Variants in CCDC144A observed in about 807,000 individuals in gnomAD.
CCDC144A encodes coiled-coil domain-containing protein 144A.
In CCDC144A, 41 loss-of-function variants were observed where a neutral mutation model predicts 143.8. That is an observed-to-expected ratio of 0.29 (90% CI 0.22 to 0.37). The LOEUF is 0.37. CCDC144A is among the 10% of genes least tolerant of loss of function. CCDC144A has a pLI of 1.00. For synonymous variants in CCDC144A, 242 were observed against 517.9 expected (o/e 0.47, Z 7.23); for missense variants, 637 against 1,488.8 (o/e 0.43, Z 9.41).
chr17:16,755,869 T>G (rs1915059690), intron 12 of CCDC144A, among the ~76,000 whole-genome samples: 1 of 152,192 alleles, frequency 6.6e-6, no homozygotes, highest in Non-Finnish European at 1.5e-5. Flanking sequence ...CCCCTCTTTT[T>G]CAGTTTTAAA....
At chr17:16,673,262 G>A in the CCDC144A span, among the ~76,000 whole-genome samples, 2 of 151,756 alleles carry the variant, frequency 1.3e-5, no homozygotes, top group Non-Finnish European at 2.9e-5. Flanking sequence ...AAGCCAGGAT[G>A]AGAATTTTAT....
upstream of CCDC144A, among the ~76,000 whole-genome samples, chr17:16,688,278 G>A (rs1426891432): frequency 1.3e-5 from 2 of 151,638 alleles, no homozygotes; most frequent in East Asian, 1.9e-4. Flanking sequence ...TCCGCTGCCC[G>A]TGTGCAGCTT....
chr17:16,669,831 T>C, the CCDC144A span, among the ~76,000 whole-genome samples: 4 of 152,320 alleles, frequency 2.6e-5, no homozygotes, highest in Admixed American at 6.5e-5. Context: ...CTCTACACTT[T>C]TGAGTTATCA....
intron 16 of CCDC144A, chr17:16,772,792 T>C (rs1443301234): frequency 6.3e-7 from 1 of 1,576,290 alleles, no homozygotes; most frequent in South Asian, 1.2e-5. Context: ...ATTCCAATAG[T>C]GCCCTGTTTT....
At chr17:16,670,419 C>A in the CCDC144A span, among the ~76,000 whole-genome samples, 1 of 150,334 alleles carries the variant, frequency 6.7e-6, no homozygotes. Context: ...TCCTGAGTAG[C>A]CGGGATTACA....
At chr17:16,671,700 C>T in the CCDC144A span, among the ~76,000 whole-genome samples, 3 of 152,006 alleles carry the variant, frequency 2.0e-5, no homozygotes, top group Admixed American at 6.6e-5. Flanking sequence ...GATATATTAT[C>T]TTTTCCTCTG....
intron 9 of CCDC144A, among the ~76,000 whole-genome samples, chr17:16,729,329 C>T (rs1262377022): frequency 1.3e-5 from 2 of 152,094 alleles, no homozygotes; most frequent in Non-Finnish European, 2.9e-5. Flanking sequence ...TTTGTATTTC[C>T]GTGAATGTTA....
the CCDC144A span, among the ~76,000 whole-genome samples, chr17:16,669,757 A>C: frequency 6.6e-6 from 1 of 152,212 alleles, no homozygotes; most frequent in Non-Finnish European, 1.5e-5. Context: ...CAGACAATTC[A>C]CAGAAGCCTC....
chr17:16,698,234 G>A (rs1171525972), intron 2 of CCDC144A, among the ~76,000 whole-genome samples: 2 of 152,192 alleles, frequency 1.3e-5, no homozygotes, highest in Non-Finnish European at 2.9e-5. Context: ...AGCCTGAGCC[G>A]TGGCTAAAGA....
At chr17:16,681,948 G>A in the CCDC144A span, among the ~76,000 whole-genome samples, 4 of 151,730 alleles carry the variant, frequency 2.6e-5, no homozygotes, top group African/African-American at 7.3e-5. Flanking sequence ...ATGAAAAAAA[G>A]GGCAATGATA....
Position 16,734,834 on chromosome 17 carries a change from G to C in CCDC144A, c.2563G>C (p.Ala855Pro), listed in dbSNP as rs946961343. The change falls in exon 12 of 17, where the codon GCT becomes CCT. Residue 855 changes from alanine (A) to proline (P), a missense_variant. Ala to Pro is a conservative substitution (Grantham distance 27, BLOSUM62 -1). Coordinates refer to ENST00000399273, the MANE Select transcript of CCDC144A (RefSeq NM_001382000.1). ...AAAGAAATATTTTGAGGACATTGAG[G>C]CTGTGAAAGAAAAGAATGATAACCT... ...KEKKYFEDIE[A>P]VKEKNDNLQK... The C allele has an allele frequency of 2.6e-6, 4 of 1,563,304 alleles. No individual in the cohort carries two copies. In the African/African-American group the frequency reaches 5.5e-5, roughly 22 times the overall value.
chr17:16,757,543 C>T (rs1386298685), intron 12 of CCDC144A, among the ~76,000 whole-genome samples: 1 of 152,208 alleles, frequency 6.6e-6, no homozygotes, highest in Non-Finnish European at 1.5e-5. Context: ...TATGTGAGCA[C>T]TGATAGCAAC....
upstream of CCDC144A, among the ~76,000 whole-genome samples, chr17:16,688,220 C>T (rs531187727): frequency 1.8e-3 from 280 of 152,022 alleles, no homozygotes; most frequent in Non-Finnish European, 3.0e-3. Context: ...GCTGCTCTTG[C>T]GGGTGGTGCT....
chr17:16,711,805 G>C lies in CCDC144A; in HGVS notation c.1705G>C (p.Glu569Gln). Residue 569 changes from glutamate to glutamine, a missense_variant, in exon 6 of 17, where the codon GAG (glutamate) becomes CAG (glutamine). Glu to Gln is a conservative substitution (Grantham distance 29). Coordinates refer to ENST00000399273, the MANE Select transcript of CCDC144A (RefSeq NM_001382000.1). ...NQQIPRKENG[E>Q]HDRPADKTSN... Reference sequence around the variant, plus strand: ...GCAGATTCCTAGGAAGGAAAATGGAGAGCATGACAGGTAAGCCTATAGCAG... The same window carrying C: ...GCAGATTCCTAGGAAGGAAAATGGACAGCATGACAGGTAAGCCTATAGCAG... 1 of 1,587,982 alleles carries C rather than the reference G, an allele frequency of 6.3e-7. No homozygotes were observed. The highest frequency in any genetic ancestry group is 8.6e-7 in the Non-Finnish European group (1 of 1,167,048).
chr17:16,711,413 C>T (rs373404105), intron 5 of CCDC144A, among the ~76,000 whole-genome samples: 1 of 151,710 alleles, frequency 6.6e-6, no homozygotes, highest in Non-Finnish European at 1.5e-5. Flanking sequence ...AAGGGCCCTG[C>T]TTGAAATTTT....
At chr17:16,758,412 T>G (rs1353676755) in intron 12 of CCDC144A, among the ~76,000 whole-genome samples, 5 of 152,368 alleles carry the variant, frequency 3.3e-5, no homozygotes, top group African/African-American at 7.2e-5. Context: ...TTGTGGTTTC[T>G]GCGGTATAAC....
intron 12 of CCDC144A, among the ~76,000 whole-genome samples, chr17:16,751,169 GT>G (rs1470811239): frequency 3.9e-5 from 6 of 152,010 alleles, no homozygotes; most frequent in Non-Finnish European, 8.8e-5. Flanking sequence ...TTTCTTTATC[GT>G]TTTGAAATTC....
chr17:16,749,943 C>T (rs2621524), intron 12 of CCDC144A, among the ~76,000 whole-genome samples: 1 of 152,210 alleles, frequency 6.6e-6, no homozygotes, highest in Non-Finnish European at 1.5e-5. Flanking sequence ...GACAGATCTT[C>T]GTCCATCTCT....
At chr17:16,757,281 C>A (rs1915135976) in intron 12 of CCDC144A, among the ~76,000 whole-genome samples, 1 of 152,252 alleles carries the variant, frequency 6.6e-6, no homozygotes, top group Non-Finnish European at 1.5e-5. Context: ...ATTTCTCTGG[C>A]CCCCTATGAG....
Sources: gnomAD v4.1 joint callset for allele counts (sites outside exome capture counted in the v4.1 genomes callset) on GRCh38, gnomAD v4.1.1 for gene constraint, MANE v1.5 for transcripts, NCBI Gene and HGNC (gene_info 2026-07-23, HGNC 2026-07-21) for gene names.